TTC23L: variants seen among roughly 807,000 people sequenced by gnomAD.
TTC23L encodes the protein tetratricopeptide repeat domain 23 like.
TTC23L carries 42 observed loss-of-function variants against 48.1 expected under a neutral mutation model. That is an observed-to-expected ratio of 0.87 (90% CI 0.68 to 1.13). The LOEUF is 1.13. TTC23L is among the 50% of genes most tolerant of loss of function. TTC23L has a pLI of 0.00. For synonymous variants in TTC23L, 159 were observed against 157.2 expected, an observed-to-expected ratio of 1.01 and a Z score of -0.09; for missense variants, 391 against 421.0, an observed-to-expected ratio of 0.93 and a Z score of 0.62.
chr5:34,914,710 T>G, the TTC23L span: 2 of 1,614,236 alleles, frequency 1.2e-6, no homozygotes, highest in Non-Finnish European at 1.7e-6. Flanking sequence ...TAAAAGCATT[T>G]GCTTGCACAC....
At chr5:34,879,008 C>A (rs1762043284) in intron 8 of TTC23L, among the ~76,000 whole-genome samples, 1 of 152,118 alleles carries the variant, frequency 6.6e-6, no homozygotes, top group African/African-American at 2.4e-5. Context: ...GAATACTATT[C>A]AGTCATAAAA....
intron 8 of TTC23L, among the ~76,000 whole-genome samples, chr5:34,874,943 C>T (rs1379511702): frequency 2.0e-5 from 3 of 152,126 alleles, no homozygotes; most frequent in Non-Finnish European, 4.4e-5. Context: ...CAACGCCCAA[C>T]CATATGTTGT....
At position 34,850,375 on chromosome 5, in the gene TTC23L, C is replaced by CA. The variant is rs1181302122; in HGVS notation, c.379+68dup. The CA allele has an allele frequency of 3.7e-6, 6 of 1,601,568 alleles. No individual in the cohort carries two copies. In the African/African-American group the frequency reaches 8.0e-5, roughly 21 times the overall value. Reference sequence around the variant, plus strand: ...AAGGCTGAACTGACCCACACAACCTCAGTGAGGATGGGCATGACTAGGAGG... The same window carrying CA: ...AAGGCTGAACTGACCCACACAACCTCAAGTGAGGATGGGCATGACTAGGAGG... On this transcript the variant is annotated intron_variant, in intron 4 of 10. Transcript: ENST00000505624.
Position 34,851,041 on chromosome 5 carries a change from T to C in TTC23L, c.379+733T>C, listed in dbSNP as rs148368357. On this transcript the variant is annotated intron_variant, in intron 4 of 10. Coordinates refer to ENST00000505624, the Ensembl canonical transcript of TTC23L. ...ATTTTCACCGTGGAACTCATTGTAC[T>C]GTGCTCATATATGCTTTAAATGCTT... Among the ~76,000 whole-genome samples the C allele has an allele frequency of 3.4e-3, 521 of 152,348 alleles. 3 individuals carry two copies. Among genetic ancestry groups the C allele is most frequent in the African/African-American group, 0.012 (486 of 41,576 alleles).
intron 9 of TTC23L, among the ~76,000 whole-genome samples, chr5:34,896,044 C>T (rs1159710208): frequency 1.3e-5 from 2 of 152,188 alleles, no homozygotes; most frequent in Non-Finnish European, 1.5e-5. Context: ...AGCAGCTTTT[C>T]CAAATCAGGA....
the TTC23L span, chr5:34,911,671 G>T: frequency 1.2e-6 from 2 of 1,614,098 alleles, no homozygotes; most frequent in Non-Finnish European, 1.7e-6. Flanking sequence ...AATAACATTG[G>T]TGCTGCAGAA....
In TTC23L at chr5:34,868,969, T is replaced by C. The variant is rs577479394; in HGVS notation, c.905T>C (p.Leu302Ser). Residue 302 changes from leucine to serine, a missense_variant, in exon 8 of 11, where the codon TTA (leucine) becomes TCA (serine). Leu to Ser is a moderately radical substitution (Grantham distance 145). Transcript: ENST00000505624. Reference sequence around the variant, plus strand: ...CCCAAAACTGCAGAAATGAGTGCGTTACTGGCCAAAGCTTATGCCATGTCT... The same window carrying C: ...CCCAAAACTGCAGAAATGAGTGCGTCACTGGCCAAAGCTTATGCCATGTCT... 3.1e-6 allele frequency: 5 copies of C among 1,611,336 alleles called. No individual in the cohort carries two copies. The highest frequency in any genetic ancestry group is 1.3e-5 in the African/African-American group (1 of 75,014).
the TTC23L span, chr5:34,914,414 A>G: frequency 7.2e-6 from 3 of 415,896 alleles, no homozygotes; most frequent in Non-Finnish European, 4.4e-6. Context: ...AGAAGACTGT[A>G]GCCTAGCCAA....
the TTC23L span, chr5:34,915,502 A>C: frequency 9.1e-6 from 4 of 440,752 alleles, no homozygotes; most frequent in Non-Finnish European, 1.2e-5. Context: ...CCGCGGAGGA[A>C]GTGAAGCCAG....
intron 8 of TTC23L, among the ~76,000 whole-genome samples, chr5:34,879,731 C>T (rs574598933): frequency 7.2e-5 from 11 of 152,218 alleles, no homozygotes; most frequent in Middle Eastern, 3.4e-3. Flanking sequence ...GGTGCGGTGG[C>T]TCATGCCTGT....
the TTC23L span, among the ~76,000 whole-genome samples, chr5:34,915,220 G>A: frequency 6.6e-6 from 1 of 152,212 alleles, no homozygotes; most frequent in Non-Finnish European, 1.5e-5. Context: ...CGGCCAAACA[G>A]GAGCTACAAA....
At chr5:34,874,490 C>T (rs1761686291) in intron 8 of TTC23L, among the ~76,000 whole-genome samples, 3 of 151,946 alleles carry the variant, frequency 2.0e-5, no homozygotes, top group African/African-American at 7.3e-5. Flanking sequence ...AGGGCAACTA[C>T]TAAAAAGAGT....
the TTC23L span, chr5:34,915,730 C>G: frequency 1.2e-4 from 198 of 1,594,220 alleles, no homozygotes; most frequent in Non-Finnish European, 1.6e-4. Context: ...GCGCGGGCGG[C>G]GAGGCAAGAT....
chr5:34,911,127 T>G, the TTC23L span, among the ~76,000 whole-genome samples: 3 of 152,240 alleles, frequency 2.0e-5, no homozygotes, highest in Admixed American at 6.5e-5. Flanking sequence ...ACACGGTAGG[T>G]GATCAACAGA....
the TTC23L span, chr5:34,916,413 T>C: frequency 6.6e-6 from 1 of 152,560 alleles, no homozygotes; most frequent in Admixed American, 6.5e-5. Flanking sequence ...GACTAGGTAG[T>C]ATGAGCTTTA....
intron 8 of TTC23L, among the ~76,000 whole-genome samples, chr5:34,874,719 T>C (rs939287725): frequency 6.7e-6 from 1 of 150,232 alleles, no homozygotes; most frequent in African/African-American, 2.5e-5. Context: ...TGAAATCTTG[T>C]CTCTAAAAAA....
intron 2 of TTC23L, among the ~76,000 whole-genome samples, chr5:34,844,444 CAA>C (rs10675653): frequency 1.2e-4 from 15 of 122,768 alleles, no homozygotes; most frequent in Admixed American, 2.6e-4. Flanking sequence ...GCAGCAGCAG[CAA>C]AAAAAAAAAA....
At chr5:34,903,901 G>GA (rs942322440), downstream of TTC23L, among the ~76,000 whole-genome samples, 13 of 150,356 alleles carry the variant, frequency 8.6e-5, no homozygotes, top group Non-Finnish European at 1.5e-4. Flanking sequence ...TACCAAGTTA[G>GA]AAAAAAAAAT....
At chr5:34,897,359 G>A (rs1763293439) in intron 10 of TTC23L, among the ~76,000 whole-genome samples, 1 of 151,556 alleles carries the variant, frequency 6.6e-6, no homozygotes, top group Non-Finnish European at 1.5e-5. Flanking sequence ...ACTACAGCCT[G>A]GGCAACAGAG....
Sources: gnomAD v4.1 joint callset for allele counts (sites outside exome capture counted in the v4.1 genomes callset) on GRCh38, gnomAD v4.1.1 for gene constraint, MANE v1.5 for transcripts, NCBI Gene and HGNC (gene_info 2026-07-23, HGNC 2026-07-21) for gene names.